The following ST3GAL3 variants were observed in gnomAD, a reference collection of about 807,000 sequenced individuals.
ST3GAL3 encodes CMP-N-acetylneuraminate-beta-1,4-galactoside alpha-2,3-sialyltransferase.
Under a neutral mutation model 50.1 loss-of-function variants are expected in ST3GAL3, and 21 were observed. The observed-to-expected ratio is 0.42, with a 90% CI of 0.30 to 0.60. The LOEUF (loss-of-function observed/expected upper bound fraction) is 0.60, where lower values mean the gene tolerates loss of function less well. ST3GAL3 is among the 20% of genes least tolerant of loss of function. The pLI is 0.19. For missense variants in ST3GAL3, 353 were observed against 489.4 expected (o/e 0.72, Z 2.63); for synonymous variants, 183 against 190.0 (o/e 0.96, Z 0.30).
At chr1:43,925,216 G>A (rs1276073183) in intron 11 of ST3GAL3, among the ~76,000 whole-genome samples, 2 of 144,586 alleles carry the variant, frequency 1.4e-5, no homozygotes, top group Non-Finnish European at 3.0e-5. Context: ...CTTGAGCCCA[G>A]GAGGGCTCAA....
intron 11 of ST3GAL3, among the ~76,000 whole-genome samples, chr1:43,925,404 G>GT (rs1330951259): frequency 6.6e-6 from 1 of 151,850 alleles, no homozygotes; most frequent in Non-Finnish European, 1.5e-5. Context: ...GAAAGGGACA[G>GT]TAACAGCACC....
At chr1:43,872,881 C>T (rs913915849) in intron 5 of ST3GAL3, among the ~76,000 whole-genome samples, 2 of 152,122 alleles carry the variant, frequency 1.3e-5, no homozygotes, top group African/African-American at 4.8e-5. Flanking sequence ...AAGTAAAAAC[C>T]TAAAGGAAAT....
chr1:43,839,664 A>T (rs2065029581), intron 5 of ST3GAL3: 1 of 152,226 alleles, frequency 6.6e-6, no homozygotes. Context: ...TGTCTATGAA[A>T]AAACATCTGA....
intron 1 of ST3GAL3, chr1:43,727,144 C>G (rs1042017424): frequency 6.6e-6 from 1 of 152,146 alleles, no homozygotes; most frequent in African/African-American, 2.4e-5. Flanking sequence ...CCAGTGGGAG[C>G]TCCTCAGGCT....
chr1:43,806,581 GC>G (rs780891912), intron 3 of ST3GAL3, among the ~76,000 whole-genome samples: 4 of 152,192 alleles, frequency 2.6e-5, no homozygotes, highest in Non-Finnish European at 4.4e-5. Context: ...TGGGGAACAG[GC>G]AAAGATAAGT....
At chr1:43,928,897 G>A (rs374132005) in intron 11 of ST3GAL3, among the ~76,000 whole-genome samples, 5 of 152,276 alleles carry the variant, frequency 3.3e-5, no homozygotes, top group Non-Finnish European at 7.4e-5. Flanking sequence ...CAACAAGAGC[G>A]AAACTCTGTC....
At chr1:43,787,446 C>T (rs1454096254) in intron 2 of ST3GAL3, among the ~76,000 whole-genome samples, 1 of 152,248 alleles carries the variant, frequency 6.6e-6, no homozygotes, top group East Asian at 1.9e-4. Context: ...AATGGCCAAA[C>T]TGTTTCTGAA....
intron 5 of ST3GAL3, chr1:43,839,493 A>G (rs1173206586): frequency 2.0e-5 from 3 of 152,242 alleles, no homozygotes; most frequent in Non-Finnish European, 4.4e-5. Flanking sequence ...ATTGAAAGTA[A>G]TACAGGCATG....
At chr1:43,767,437 C>T (rs1693506180) in intron 2 of ST3GAL3, among the ~76,000 whole-genome samples, 1 of 151,986 alleles carries the variant, frequency 6.6e-6, no homozygotes, top group African/African-American at 2.4e-5. Context: ...GTTTAGACTT[C>T]ATCAGGTAAA....
intron 5 of ST3GAL3, chr1:43,851,506 G>C (rs1380570476): frequency 6.3e-7 from 1 of 1,599,000 alleles, no homozygotes; most frequent in Non-Finnish European, 8.6e-7. Context: ...CTCTGGCCCG[G>C]GTACCCCTCA....
chr1:43,856,144 G>T (rs2068321076), intron 5 of ST3GAL3, among the ~76,000 whole-genome samples: 1 of 152,220 alleles, frequency 6.6e-6, no homozygotes, highest in Non-Finnish European at 1.5e-5. Flanking sequence ...TACTGCATAT[G>T]CAGTTGTCCA....
rs2072220410 is a variant in ST3GAL3, at chr1:43,869,843, G to A, written c.303-24540G>A. Among the ~76,000 whole-genome samples, 4 of 152,192 alleles carry A rather than the reference G, an allele frequency of 2.6e-5. No individual in the cohort carries two copies. The South Asian group carries it at 8.3e-4, about 32-fold the overall frequency. On this transcript the variant is annotated intron_variant, in intron 5 of 11. Transcript: ENST00000347631. ...TGTCTAAGCAGTGCACATAAAAACA[G>A]CGACTGAGATAAGCCTAACGCAGAA...
intron 4 of ST3GAL3, among the ~76,000 whole-genome samples, chr1:43,834,551 G>A (rs1401947783): frequency 6.6e-6 from 1 of 152,118 alleles, no homozygotes; most frequent in African/African-American, 2.4e-5. Flanking sequence ...TGGTCTCTGC[G>A]TCCTTCCTAA....
chr1:43,826,616 A>G (rs1250489955), intron 4 of ST3GAL3, among the ~76,000 whole-genome samples: 1 of 152,162 alleles, frequency 6.6e-6, no homozygotes, highest in African/African-American at 2.4e-5. Flanking sequence ...ACATTACCCT[A>G]TTACCCAAAT....
chr1:43,755,260 A>G (rs1293022761), intron 2 of ST3GAL3, among the ~76,000 whole-genome samples: 1 of 152,234 alleles, frequency 6.6e-6, no homozygotes, highest in Non-Finnish European at 1.5e-5. Flanking sequence ...ATATGAAGAG[A>G]TAGTCAAACT....
chr1:43,838,595 C>A, intron 5 of ST3GAL3: 1 of 402,670 alleles, frequency 2.5e-6, no homozygotes, highest in Non-Finnish European at 4.7e-6. Context: ...CCAGAGGCAG[C>A]CAGAGAAGGC....
At chr1:43,810,886 T>TCG (rs2060479146) in intron 3 of ST3GAL3, among the ~76,000 whole-genome samples, 1 of 152,086 alleles carries the variant, frequency 6.6e-6, no homozygotes, top group African/African-American at 2.4e-5. Flanking sequence ...GGAGGCCCGA[T>TCG]GGCCTCCCTC....
intron 2 of ST3GAL3, 90 bp downstream of exon 2, chr1:43,736,470 A>C (rs1279986577): frequency 1.2e-6 from 2 of 1,611,674 alleles, no homozygotes; most frequent in South Asian, 2.2e-5. Flanking sequence ...TATTCTTCAG[A>C]GATGGGCAAT....
chr1:43,815,234 G>A (rs540135012), intron 4 of ST3GAL3, among the ~76,000 whole-genome samples: 161 of 152,270 alleles, frequency 1.1e-3, no homozygotes, highest in African/African-American at 3.4e-3. Context: ...TCTCCTGCAG[G>A]GTAGAGGACA....
Sources: allele counts gnomAD v4.1 joint callset (sites outside exome capture counted in the v4.1 genomes callset), GRCh38; gene constraint gnomAD v4.1.1; transcripts MANE v1.5; gene names NCBI Gene and HGNC (gene_info 2026-07-23, HGNC 2026-07-21).